The following RNF216 variants were observed in gnomAD, a reference collection of about 807,000 sequenced individuals.
RNF216 encodes the protein E3 ubiquitin-protein ligase RNF216.
Under a neutral mutation model 110.8 loss-of-function variants are expected in RNF216, and 72 were observed. That is an observed-to-expected ratio of 0.65 (90% CI 0.54 to 0.79). The LOEUF is 0.79. RNF216 is among the 30% of genes least tolerant of loss of function. The probability of loss-of-function intolerance (pLI) is 0.00; values close to 1 mark genes in which losing one functional copy is unlikely to be tolerated. For synonymous variants in RNF216, 495 were observed against 407.5 expected (o/e 1.21, Z -2.59); for missense variants, 1,342 against 1,141.2 (o/e 1.18, Z -2.54).
chr7:5,626,483 CT>C (rs1206585780), intron 15 of RNF216, among the ~76,000 whole-genome samples: 1 of 150,454 alleles, frequency 6.6e-6, no homozygotes, highest in Non-Finnish European at 1.5e-5. Context: ...ATCCAGAAAA[CT>C]GGTGGGAGGA....
intron 14 of RNF216, among the ~76,000 whole-genome samples, chr7:5,649,208 AAAGT>A (rs1788232684): frequency 6.6e-6 from 1 of 152,066 alleles, no homozygotes; most frequent in South Asian, 2.1e-4. Flanking sequence ...CACGGCCGAC[AAAGT>A]AAAACCCCAT....
chr7:5,754,460 T>C (rs1201955151), intron 2 of RNF216, among the ~76,000 whole-genome samples: 3 of 152,010 alleles, frequency 2.0e-5, no homozygotes, highest in African/African-American at 7.2e-5. Flanking sequence ...CCACCATGCC[T>C]GACTTAATTG....
chr7:5,621,694 A>C lies in RNF216; in HGVS notation c.*1166T>G, dbSNP rs1786374245. On this transcript the variant is annotated 3_prime_UTR_variant, in exon 17 of 17. Coordinates refer to ENST00000389902, the MANE Select transcript of RNF216 (RefSeq NM_207111.4). ...CAACACGACAAGGACAAGGCAGGGC[A>C]TGAGGAGGAGGAGAAAGTGATGCCT... 1 of 152,678 alleles carries C rather than the reference A, an allele frequency of 6.5e-6. No homozygotes were observed. The highest frequency in any genetic ancestry group is 2.4e-5 in the African/African-American group (1 of 41,478). 9.5% of individuals were successfully genotyped at this position (152,678 alleles called of 1,614,324 possible).
intron 7 of RNF216, among the ~76,000 whole-genome samples, chr7:5,727,452 CAT>C (rs1185548165): frequency 6.6e-6 from 1 of 152,190 alleles, no homozygotes; most frequent in African/African-American, 2.4e-5. Flanking sequence ...CATTTAATAA[CAT>C]AGGCTGGGCA....
intron 14 of RNF216, among the ~76,000 whole-genome samples, chr7:5,645,451 T>C (rs1787994204): frequency 6.6e-6 from 1 of 152,198 alleles, no homozygotes; most frequent in South Asian, 2.1e-4. Flanking sequence ...CTGCTCCTCC[T>C]CCAACTGCAT....
intron 9 of RNF216, among the ~76,000 whole-genome samples, chr7:5,720,168 T>C (rs917177425): frequency 7.2e-5 from 11 of 152,180 alleles, no homozygotes; most frequent in Admixed American, 5.9e-4. Flanking sequence ...AAAGCAAATA[T>C]AGCTGAGCTT....
intron 13 of RNF216, among the ~76,000 whole-genome samples, chr7:5,672,682 C>T (rs886321173): frequency 5.9e-5 from 9 of 152,274 alleles, no homozygotes; most frequent in African/African-American, 2.2e-4. Context: ...CACATAAGCA[C>T]ACTGGTGCTG....
chr7:5,672,414 T>C (rs1454101720), intron 13 of RNF216, among the ~76,000 whole-genome samples: 1 of 152,184 alleles, frequency 6.6e-6, no homozygotes, highest in Non-Finnish European at 1.5e-5. Context: ...TTGTTAAATT[T>C]AATAACAAGA....
rs547005628 is a variant in RNF216, at chr7:5,675,051, G to T, written c.2062-22541C>A. Among the ~76,000 whole-genome samples the T allele has an allele frequency of 2.0e-5, 3 of 152,176 alleles. No homozygotes were observed. The South Asian group carries it at 6.2e-4, about 32-fold the overall frequency. ...TATAAAGCAAATGTCGGTACAGAAT[G>T]GCAACTGCTGAAAAGCCAGCTTCAT... On this transcript the variant is annotated intron_variant, in intron 13 of 16. Coordinates refer to ENST00000389902, the MANE Select transcript of RNF216 (RefSeq NM_207111.4).
chr7:5,742,896 G>A (rs984435813), intron 3 of RNF216, among the ~76,000 whole-genome samples: 6 of 151,956 alleles, frequency 3.9e-5, no homozygotes, highest in African/African-American at 1.2e-4. Context: ...GCGCTTGGCC[G>A]ATGTGTGAAA....
rs772470401 is a variant in RNF216 at position 5,694,284 on chromosome 7, C to G, written c.2061+17477G>C. Among the ~76,000 whole-genome samples the G allele has an allele frequency of 3.3e-5, 5 of 152,228 alleles. No individual in the cohort carries two copies. The East Asian group carries it at 7.7e-4, about 23-fold the overall frequency. On this transcript the variant is annotated intron_variant, in intron 13 of 16. Transcript: ENST00000389902. Reference sequence around the variant, plus strand: ...CAAAACAAGGTCTAGGTATGCAGTACTTGAATCATTCACACTGAGCTTGCT... The same window carrying G: ...CAAAACAAGGTCTAGGTATGCAGTAGTTGAATCATTCACACTGAGCTTGCT...
chr7:5,633,710 G>A (rs1304159665), intron 15 of RNF216, among the ~76,000 whole-genome samples: 1 of 152,218 alleles, frequency 6.6e-6, no homozygotes, highest in Non-Finnish European at 1.5e-5. Flanking sequence ...TGACACAGAA[G>A]ACTCTGGCTT....
chr7:5,654,578 T>C (rs575768889), intron 13 of RNF216, among the ~76,000 whole-genome samples: 2 of 149,810 alleles, frequency 1.3e-5, no homozygotes, highest in South Asian at 4.2e-4. Context: ...TCCCAGCTAC[T>C]TGGGAGGCTG....
In RNF216 at chr7:5,729,206, C is replaced by T. The variant is rs148656693; in HGVS notation, c.1389+226G>A. 8.5e-3 allele frequency among the ~76,000 whole-genome samples: 1,291 copies of T among 152,292 alleles called. 16 individuals carry two copies. Among genetic ancestry groups the T allele is most frequent in the African/African-American group, 0.03 (1,231 of 41,564 alleles). ...TTCCACAGTAGAAGGTATTACACTC[C>T]ATGTTTTTACGGTCAAAGCAGAACT... On this transcript the variant is annotated intron_variant, in intron 7 of 16. Coordinates refer to ENST00000389902, the MANE Select transcript of RNF216 (RefSeq NM_207111.4).
rs1788456956 is a variant in RNF216 at position 5,652,478 on chromosome 7, T to G, written c.2094A>C (p.Lys698Asn). 1.2e-6 allele frequency: 2 copies of G among 1,613,806 alleles called. No individual in the cohort carries two copies. The highest frequency in any genetic ancestry group is 1.7e-5 in the Admixed American group (1 of 60,008). The change falls in exon 14 of 17, where the codon AAA becomes AAC. Residue 698 changes from lysine to asparagine, a missense_variant. By Grantham distance (94) the Lys-to-Asn change is moderately conservative (BLOSUM62 0). Transcript: ENST00000389902. Reference protein sequence around the residue: ...ETCRKCQGLWKEHNGLTCEEL... With the variant: ...ETCRKCQGLWNEHNGLTCEEL... ...CTTCACAGGTGAGGCCATTATGTTC[T>G]TTCCAGAGTCCCTGACACTTCCTAC...
chr7:5,687,431 G>GA (rs1170449424), intron 13 of RNF216, among the ~76,000 whole-genome samples: 3 of 144,380 alleles, frequency 2.1e-5, no homozygotes, highest in East Asian at 2.0e-4. Flanking sequence ...GAAAAGAAAA[G>GA]AAAGAAAAGA....
chr7:5,689,362 TAA>T (rs72421808), intron 13 of RNF216, among the ~76,000 whole-genome samples: 2,875 of 127,378 alleles, frequency 0.023, 42 homozygotes, highest in Non-Finnish European at 0.035. Context: ...TTTGTAGTAT[TAA>T]AAAAAAAAAA....
intron 13 of RNF216, among the ~76,000 whole-genome samples, chr7:5,659,160 T>C (rs1456289216): frequency 6.6e-6 from 1 of 151,734 alleles, no homozygotes; most frequent in African/African-American, 2.4e-5. Flanking sequence ...CAGAGGCGAG[T>C]TTAGTTCCAG....
intron 11 of RNF216, chr7:5,713,291 C>T (rs11971922): frequency 0.015 from 2,350 of 156,404 alleles, 49 homozygotes; most frequent in African/African-American, 0.053. Context: ...ATGGGTGGAG[C>T]CTCTAGTTCC....
Sources: allele counts gnomAD v4.1 joint callset (sites outside exome capture counted in the v4.1 genomes callset), GRCh38; gene constraint gnomAD v4.1.1; transcripts MANE v1.5; gene names NCBI Gene and HGNC (gene_info 2026-07-23, HGNC 2026-07-21).